MSH4: variants seen among roughly 807,000 people sequenced by gnomAD.
MSH4 encodes mutS protein homolog 4.
A neutral mutation model predicts 113.7 loss-of-function variants in MSH4; 106 were observed. The ratio of observed to expected loss-of-function variants is 0.93; its 90% CI spans 0.80 to 1.10. The LOEUF is 1.10. Ranked by LOEUF, MSH4 falls within the 50% of genes least tolerant of loss-of-function variation. MSH4 has a pLI of 0.00. For missense variants in MSH4, 1,061 were observed against 1,093.7 expected, an observed-to-expected ratio of 0.97 and a Z score of 0.42; for synonymous variants, 368 against 380.2, an observed-to-expected ratio of 0.97 and a Z score of 0.37.
chr1:75,873,171 A>C (rs1320576616), intron 9 of MSH4, among the ~76,000 whole-genome samples: 1 of 152,218 alleles, frequency 6.6e-6, no homozygotes, highest in East Asian at 1.9e-4. Flanking sequence ...TTGGTCTCAC[A>C]AACATTTTAC....
At chr1:75,874,626 A>G (rs1413078510) in intron 9 of MSH4, among the ~76,000 whole-genome samples, 1 of 151,794 alleles carries the variant, frequency 6.6e-6, no homozygotes, top group East Asian at 2.0e-4. Context: ...CTGACAATGG[A>G]AGGTTTTTGA....
chr1:75,906,446 T>TATATACAATATTGTATATATTATATATA (rs1557533946), intron 19 of MSH4, among the ~76,000 whole-genome samples: 3 of 58,574 alleles, frequency 5.1e-5, no homozygotes, highest in African/African-American at 2.3e-4. Flanking sequence ...ATATATATAA[T>TATATACAATATTGTATATATTATATATA]ATATATACAA....
chr1:75,803,853 T>C lies in MSH4; in HGVS notation c.367T>C (p.Ser123Pro), dbSNP rs759526662. ...TCCTCAAACACTTAAAACTCCATTGTCTACTGGAAATCCTCAGAGATCAGG... is the reference window on the plus strand; with the variant it reads ...TCCTCAAACACTTAAAACTCCATTGCCTACTGGAAATCCTCAGAGATCAGG... ...NYPQTLKTPL[S>P]TGNPQRSGYK... Residue 123 changes from serine to proline, a missense_variant, in exon 2 of 20, where the codon TCT becomes CCT. By Grantham distance (74) the Ser-to-Pro change is moderately conservative. Transcript: ENST00000263187. 15 of 1,598,910 alleles carry C rather than the reference T, an allele frequency of 9.4e-6. No homozygotes were observed. In the South Asian group the frequency reaches 1.7e-4, roughly 18 times the overall value.
intron 19 of MSH4, among the ~76,000 whole-genome samples, chr1:75,906,027 G>T (rs940719481): frequency 5.3e-5 from 8 of 151,760 alleles, no homozygotes. Context: ...GTTTTGCTCT[G>T]TCACCCAGGC....
chr1:75,856,107 G>A (rs771192049), intron 8 of MSH4, among the ~76,000 whole-genome samples: 2 of 152,090 alleles, frequency 1.3e-5, no homozygotes, highest in Non-Finnish European at 2.9e-5. Context: ...TCTGTGAATA[G>A]CTTGCCTGCT....
At position 75,843,954 on chromosome 1, in the gene MSH4, G is replaced by A. The variant is rs377677308; in HGVS notation, c.1163-4255G>A. On this transcript the variant is annotated intron_variant, in intron 7 of 19. Coordinates refer to ENST00000263187, the MANE Select transcript of MSH4 (RefSeq NM_002440.4). The stretch of plus-strand genomic sequence containing the variant: ...AGCCTCCCGAGTAGCGGGGATTACA[G>A]GCATGCACCACCATGCCTGGCTAAT... Among the ~76,000 whole-genome samples the A allele has an allele frequency of 8.5e-5, 13 of 152,236 alleles. 1 individual carries two copies. In the South Asian group the frequency reaches 1.9e-3, roughly 22 times the overall value.
intron 5 of MSH4, among the ~76,000 whole-genome samples, chr1:75,815,393 G>T (rs746886939): frequency 2.0e-5 from 3 of 152,064 alleles, no homozygotes; most frequent in Admixed American, 1.3e-4. Context: ...AATTTATATA[G>T]AATTTCTCCA....
intron 3 of MSH4, among the ~76,000 whole-genome samples, chr1:75,808,157 A>T (rs1041882086): frequency 6.6e-6 from 1 of 152,214 alleles, no homozygotes; most frequent in Non-Finnish European, 1.5e-5. Context: ...TGACCCATAG[A>T]AGTTTTTGAT....
At chr1:75,860,268 G>T (rs1196902556) in intron 8 of MSH4, among the ~76,000 whole-genome samples, 2 of 152,018 alleles carry the variant, frequency 1.3e-5, no homozygotes, top group Non-Finnish European at 2.9e-5. Context: ...TTACATTTAA[G>T]GTTAATATTG....
chr1:75,872,198 A>G (rs1651728794), intron 9 of MSH4, among the ~76,000 whole-genome samples: 1 of 152,202 alleles, frequency 6.6e-6, no homozygotes, highest in Non-Finnish European at 1.5e-5. Context: ...CATTCCCACA[A>G]AGGGTAACAC....
intron 3 of MSH4, 149 bp from the exon 4 acceptor site, chr1:75,810,548 G>T (rs1475531187): frequency 1.1e-5 from 4 of 369,794 alleles, no homozygotes; most frequent in East Asian, 1.0e-4. Flanking sequence ...AACCCACCTG[G>T]CTAGAAACAT....
chr1:75,837,850 A>T (rs1425693314), intron 7 of MSH4, among the ~76,000 whole-genome samples: 2 of 152,088 alleles, frequency 1.3e-5, no homozygotes, highest in Non-Finnish European at 2.9e-5. Context: ...TCTTGGATGT[A>T]TCTGCTTCTT....
chr1:75,815,209 A>G, intron 5 of MSH4, 73 bp downstream of exon 5: 1 of 808,530 alleles, frequency 1.2e-6, no homozygotes, highest in Non-Finnish European at 1.9e-6. Context: ...TTATAACTTA[A>G]GGAAAGTAAA....
At chr1:75,824,900 C>CTTTTT (rs1353220075) in intron 7 of MSH4, among the ~76,000 whole-genome samples, 3 of 63,350 alleles carry the variant, frequency 4.7e-5, no homozygotes, top group African/African-American at 1.1e-4. Flanking sequence ...ATACCTTCAG[C>CTTTTT]TTTGTTTTTT....
At chr1:75,906,349 G>C in intron 19 of MSH4, among the ~76,000 whole-genome samples, 1 of 136,830 alleles carries the variant, frequency 7.3e-6, no homozygotes, top group Admixed American at 8.1e-5. Context: ...CTTGTTATCT[G>C]GTTGTTTTGT....
chr1:75,884,419 C>G (rs1362028376), intron 15 of MSH4, among the ~76,000 whole-genome samples: 1 of 152,028 alleles, frequency 6.6e-6, no homozygotes, highest in Non-Finnish European at 1.5e-5. Flanking sequence ...TCCTTGAGAA[C>G]TATATGAATC....
chr1:75,903,769 G>T (rs1652560753), intron 19 of MSH4, among the ~76,000 whole-genome samples: 1 of 151,840 alleles, frequency 6.6e-6, no homozygotes, highest in Non-Finnish European at 1.5e-5. Flanking sequence ...TATATTTTTG[G>T]TGGAGTCTTT....
chr1:75,859,028 C>T (rs1651387757), intron 8 of MSH4, among the ~76,000 whole-genome samples: 1 of 152,160 alleles, frequency 6.6e-6, no homozygotes, highest in African/African-American at 2.4e-5. Context: ...TCCATTTCTT[C>T]TAGATTTTCT....
At position 75,912,809 on chromosome 1, in the gene MSH4, A is replaced by G; in HGVS notation, c.2733A>G (p.Ile911Met). ...NSQLDPDSLR[I>M]YLSNLKKKYK... Reference sequence around the variant, plus strand: ...AATTGGATCCAGACAGTTTACGAATATATTTAAGTAACCTCAAGAAGAAGT... The same window carrying G: ...AATTGGATCCAGACAGTTTACGAATGTATTTAAGTAACCTCAAGAAGAAGT... The change falls in exon 20 of 20, where the codon ATA becomes ATG. Residue 911 changes from isoleucine to methionine, a missense_variant. Ile to Met is a conservative substitution (Grantham distance 10). Coordinates refer to ENST00000263187, the MANE Select transcript of MSH4 (RefSeq NM_002440.4). 1 of 1,590,570 alleles carries G rather than the reference A, an allele frequency of 6.3e-7. No homozygotes were observed. The highest frequency in any genetic ancestry group is 8.6e-7 in the Non-Finnish European group (1 of 1,169,240).
Sources: allele counts gnomAD v4.1 joint callset (sites outside exome capture counted in the v4.1 genomes callset), GRCh38; gene constraint gnomAD v4.1.1; transcripts MANE v1.5; gene names NCBI Gene and HGNC (gene_info 2026-07-23, HGNC 2026-07-21).